The following VRK2 variants were observed in gnomAD, a reference collection of about 807,000 sequenced individuals.
VRK2 encodes the protein VRK serine/threonine kinase 2, also known as serine/threonine-protein kinase VRK2.
In VRK2, 60 loss-of-function variants were observed where a neutral mutation model predicts 57.6. The observed-to-expected ratio is 1.04, with a 90% CI of 0.85 to 1.29. The LOEUF (loss-of-function observed/expected upper bound fraction) is 1.29, where lower values mean the gene tolerates loss of function less well. VRK2 is among the 50% of genes most tolerant of loss of function. The probability of loss-of-function intolerance (pLI) is 0.00; values close to 1 mark genes in which losing one functional copy is unlikely to be tolerated. For synonymous variants in VRK2, 231 were observed against 199.2 expected (o/e 1.16, Z -1.35); for missense variants, 705 against 588.1 (o/e 1.20, Z -2.06).
intron 1 of VRK2, among the ~76,000 whole-genome samples, chr2:57,916,206 A>C (rs934112299): frequency 4.6e-5 from 7 of 152,082 alleles, no homozygotes; most frequent in Non-Finnish European, 8.8e-5. Flanking sequence ...CAGGAGTTCG[A>C]GACCAGCCTG....
At chr2:58,136,735 C>T (rs1277776638) in intron 10 of VRK2, among the ~76,000 whole-genome samples, 2 of 148,382 alleles carry the variant, frequency 1.3e-5, no homozygotes, top group African/African-American at 5.0e-5. Flanking sequence ...ATCAACTGGA[C>T]AGAAAGATGG....
intron 7 of VRK2, among the ~76,000 whole-genome samples, chr2:58,100,830 T>C (rs1445272278): frequency 6.6e-6 from 1 of 151,810 alleles, no homozygotes; most frequent in Non-Finnish European, 1.5e-5. Context: ...AAATTTTATT[T>C]CCATCTAACT....
At chr2:58,047,535 A>G (rs1675023903) in intron 1 of VRK2, 2 of 789,840 alleles carry the variant, frequency 2.5e-6, no homozygotes, top group Admixed American at 6.2e-5. Flanking sequence ...CCCAAAGTGT[A>G]TTTATCTTTT....
intron 2 of VRK2, among the ~76,000 whole-genome samples, chr2:58,055,240 T>A (rs1190650097): frequency 6.6e-6 from 1 of 152,166 alleles, no homozygotes; most frequent in Non-Finnish European, 1.5e-5. Flanking sequence ...ATGGGCACAG[T>A]GCCAGGCTAG....
intron 7 of VRK2, among the ~76,000 whole-genome samples, chr2:58,090,205 G>T (rs1672174834): frequency 6.6e-6 from 1 of 152,088 alleles, no homozygotes; most frequent in African/African-American, 2.4e-5. Context: ...AGACCAGCCT[G>T]GCCAACATGG....
intron 1 of VRK2, among the ~76,000 whole-genome samples, chr2:58,017,838 A>T (rs1258531249): frequency 6.6e-6 from 1 of 152,190 alleles, no homozygotes; most frequent in Non-Finnish European, 1.5e-5. Flanking sequence ...TTTGTTGTTA[A>T]ATCTCTGTTA....
At chr2:57,912,425 GT>G (rs539874725) in intron 1 of VRK2, among the ~76,000 whole-genome samples, 16 of 150,518 alleles carry the variant, frequency 1.1e-4, no homozygotes, top group African/African-American at 2.2e-4. Flanking sequence ...TCAGGAAGAA[GT>G]TTTTTTTTTC....
chr2:58,018,803 G>A (rs1482772672), intron 1 of VRK2, among the ~76,000 whole-genome samples: 1 of 152,040 alleles, frequency 6.6e-6, no homozygotes, highest in Admixed American at 6.6e-5. Flanking sequence ...AATTATAAGG[G>A]TATAATGACA....
intron 7 of VRK2, among the ~76,000 whole-genome samples, chr2:58,102,484 A>G (rs1471036173): frequency 5.0e-4 from 75 of 148,710 alleles, no homozygotes; most frequent in African/African-American, 1.8e-3. Flanking sequence ...CTTTAAATCA[A>G]AAACAGTTAA....
intron 1 of VRK2, among the ~76,000 whole-genome samples, chr2:58,009,462 A>G (rs939549685): frequency 6.6e-5 from 10 of 151,188 alleles, no homozygotes; most frequent in African/African-American, 2.4e-4. Context: ...CAATCTGTAT[A>G]GTAAATTTTA....
intron 10 of VRK2, among the ~76,000 whole-genome samples, chr2:58,137,008 TTA>T (rs751594903): frequency 1.1e-4 from 14 of 126,900 alleles, no homozygotes; most frequent in South Asian, 8.8e-4. Flanking sequence ...ATCATATATA[TTA>T]TATATATCTC....
intron 1 of VRK2, among the ~76,000 whole-genome samples, chr2:58,011,891 G>C (rs952460367): frequency 6.6e-6 from 1 of 151,930 alleles, no homozygotes; most frequent in African/African-American, 2.4e-5. Flanking sequence ...ATATCAACTG[G>C]GTGGCTTATA....
intron 1 of VRK2, among the ~76,000 whole-genome samples, chr2:57,999,066 G>A (rs986857697): frequency 6.6e-6 from 1 of 152,028 alleles, no homozygotes; most frequent in Non-Finnish European, 1.5e-5. Context: ...AAGGTATAAG[G>A]GGGTGGGGGG....
In VRK2 at chr2:58,159,744, C is replaced by T; in HGVS notation, c.*51C>T. ...AATTTTTTAAGTTTCCAGCTCTTCA[C>T]CGAAATGTTGTATTCTTATTTCAGT... On this transcript the variant is annotated 3_prime_UTR_variant, in exon 13 of 13. Transcript: ENST00000340157. 1.2e-6 allele frequency: 2 copies of T among 1,612,928 alleles called. No individual in the cohort carries two copies. The highest frequency in any genetic ancestry group is 2.2e-5 in the South Asian group (2 of 90,838).
chr2:58,033,260 T>C (rs949793707), exon 3 of VRK2: 11 of 152,084 alleles, frequency 7.2e-5, no homozygotes, highest in African/African-American at 2.4e-4. Flanking sequence ...GCTCTATAAA[T>C]ATGTTGCTTT....
At chr2:57,993,219 A>G (rs1345841080) in intron 1 of VRK2, among the ~76,000 whole-genome samples, 2 of 152,238 alleles carry the variant, frequency 1.3e-5, no homozygotes, top group Non-Finnish European at 2.9e-5. Context: ...AGCCAGAATT[A>G]TAACAACTTA....
intron 3 of VRK2, chr2:58,033,586 T>G (rs1455900644): frequency 6.6e-6 from 1 of 152,070 alleles, no homozygotes; most frequent in African/African-American, 2.4e-5. Context: ...TATAAGTCAC[T>G]AAGTTTGTGG....
intron 1 of VRK2, among the ~76,000 whole-genome samples, chr2:57,993,603 G>A (rs748230131): frequency 7.9e-5 from 12 of 152,318 alleles, no homozygotes; most frequent in Non-Finnish European, 8.8e-5. Flanking sequence ...AGAAGTAACT[G>A]AAATATTAAT....
intron 12 of VRK2, among the ~76,000 whole-genome samples, chr2:58,155,775 C>T (rs1253196675): frequency 2.0e-5 from 3 of 149,976 alleles, no homozygotes; most frequent in Non-Finnish European, 4.4e-5. Context: ...CACCCCGCCG[C>T]CCCGTTTCCA....
Sources: allele counts gnomAD v4.1 joint callset (sites outside exome capture counted in the v4.1 genomes callset), GRCh38; gene constraint gnomAD v4.1.1; transcripts MANE v1.5; gene names NCBI Gene and HGNC (gene_info 2026-07-23, HGNC 2026-07-21).